The following KMT2A variants were observed in gnomAD, a reference collection of about 807,000 sequenced individuals.
KMT2A encodes histone-lysine N-methyltransferase 2A.
A neutral mutation model predicts 345.3 loss-of-function variants in KMT2A; 16 were observed. That is an observed-to-expected ratio of 0.05 (90% CI 0.03 to 0.07). The LOEUF (loss-of-function observed/expected upper bound fraction) is 0.07. KMT2A is among the 10% of genes least tolerant of loss of function. The pLI is 1.00. For missense variants in KMT2A, 3,272 were observed against 4,841.6 expected (o/e 0.68, Z 9.62); for synonymous variants, 1,599 against 1,778.6 (o/e 0.90, Z 2.54).
rs1279579879 is a variant in KMT2A at position 118,498,563 on chromosome 11, AAAGACTTTTT to A, written c.5961+36_5961+45del. On this transcript the variant is annotated intron_variant, in intron 22 of 35. Transcript: ENST00000534358. The surrounding 1 kb of genome is among the most constrained non-coding windows in gnomAD (Gnocchi z 4.4). The stretch of plus-strand genomic sequence containing the variant: ...CTTTAGTTGCTTTAAAAAAAAAAAA[AAAGACTTTTT>A]TAGAGCAGTTTTAGGTTCACAGCAA... 1.9e-6 allele frequency: 3 copies of A among 1,564,016 alleles called. No homozygotes were observed. The highest frequency in any genetic ancestry group is 1.7e-6 in the Non-Finnish European group (2 of 1,162,638).
intron 1 of KMT2A, among the ~76,000 whole-genome samples, chr11:118,462,625 C>A (rs573280197): frequency 2.6e-5 from 4 of 152,116 alleles, no homozygotes; most frequent in African/African-American, 9.7e-5. Flanking sequence ...GTGGTGCGAT[C>A]TCGGCTCACT....
At chr11:118,456,421 C>T (rs1949644394) in intron 1 of KMT2A, among the ~76,000 whole-genome samples, 1 of 151,984 alleles carries the variant, frequency 6.6e-6, no homozygotes, top group Admixed American at 6.6e-5. Context: ...TTACTGCAAC[C>T]TCCGCCTCCT....
In KMT2A at chr11:118,511,955, C is replaced by A. The variant is rs756582747; in HGVS notation, c.11076C>A (p.Ala3692=). The A allele has an allele frequency of 6.2e-7, 1 of 1,613,978 alleles. No homozygotes were observed. Among genetic ancestry groups the A allele is most frequent in the Admixed American group, 1.7e-5 (1 of 60,010 alleles). ...FQICAESIED[A]WKSLTDKVQE... is the part of the protein sequence containing the mutation. ...GTTTTCTTTATTTCCTTTCAGATGC[C>A]TGGAAGTCATTGACAGATAAAGTCC... Residue 3692 remains alanine (A), a synonymous_variant, in exon 31 of 36, where the codon GCC becomes GCA. Coordinates refer to ENST00000534358, the MANE Select transcript of KMT2A (RefSeq NM_001197104.2).
rs1555047399 is a variant in KMT2A, at chr11:118,504,773, A to G, written c.8881A>G (p.Lys2961Glu). Reference sequence around the variant, plus strand: ...AGCTGTTATCTCAGACTCAGGGGAGAAGAGAGTAACCATCACAGAAAAATC... The same window carrying G: ...AGCTGTTATCTCAGACTCAGGGGAGGAGAGAGTAACCATCACAGAAAAATC... ...RLAVISDSGE[K>E]RVTITEKSVA... Residue 2961 changes from lysine to glutamate, a missense_variant, in exon 27 of 36, where the codon AAG (lysine) becomes GAG (glutamate). Around this residue, in one of 27 missense-constraint regions of KMT2A, gnomAD observed 748 missense variants for 922.2 expected, o/e 0.81. Coordinates refer to ENST00000534358, the MANE Select transcript of KMT2A (RefSeq NM_001197104.2). The surrounding 1 kb of genome is among the most constrained non-coding windows in gnomAD (Gnocchi z 6.4). The G allele has an allele frequency of 1.9e-6, 3 of 1,614,054 alleles. No individual in the cohort carries two copies. In the South Asian group the frequency reaches 3.3e-5, roughly 18 times the overall value.
At chr11:118,486,099 G>A (rs1043412719) in intron 10 of KMT2A, among the ~76,000 whole-genome samples, 7 of 152,090 alleles carry the variant, frequency 4.6e-5, no homozygotes, top group African/African-American at 1.7e-4. Context: ...AAATAAAAGT[G>A]TAGGGCATAT....
intron 29 of KMT2A, among the ~76,000 whole-genome samples, chr11:118,509,725 G>C (rs1205485316): frequency 6.6e-6 from 1 of 152,078 alleles, no homozygotes; most frequent in Non-Finnish European, 1.5e-5. Flanking sequence ...CTACCACAGA[G>C]AGCATAACTT....
rs1055382817 is a variant in KMT2A, at chr11:118,507,177, A to G, written c.10755-352A>G. On this transcript the variant is annotated intron_variant, in intron 27 of 35. Coordinates refer to ENST00000534358, the MANE Select transcript of KMT2A (RefSeq NM_001197104.2). Reference sequence around the variant, plus strand: ...GCTGGGTGTGGTGTTGCACACCTGTAGCCCCAGCTATTCAGGAGGCTGAGG... The same window carrying G: ...GCTGGGTGTGGTGTTGCACACCTGTGGCCCCAGCTATTCAGGAGGCTGAGG... Among the ~76,000 whole-genome samples, 11 of 152,170 alleles carry G rather than the reference A, an allele frequency of 7.2e-5. 1 individual carries two copies. Among genetic ancestry groups the G allele is most frequent in the Non-Finnish European group, 1.6e-4 (11 of 68,020 alleles).
intron 1 of KMT2A, among the ~76,000 whole-genome samples, chr11:118,453,127 C>G (rs2134204843): frequency 6.6e-6 from 1 of 152,210 alleles, no homozygotes; most frequent in African/African-American, 2.4e-5. Context: ...AACGCTTGAC[C>G]CCACGTCCAC....
chr11:118,443,857 G>A (rs141368691), intron 1 of KMT2A, among the ~76,000 whole-genome samples: 16 of 152,278 alleles, frequency 1.1e-4, no homozygotes, highest in South Asian at 8.3e-4. Context: ...AGTTTCTTCC[G>A]TATATAGTGT....
At position 118,491,727 on chromosome 11, in the gene KMT2A, G is replaced by C; in HGVS notation, c.4820-17G>C. 6.3e-7 allele frequency: 1 copy of C among 1,575,898 alleles called. No individual in the cohort carries two copies. On this transcript the variant is annotated splice_polypyrimidine_tract_variant and intron_variant, in intron 14 of 35. Transcript: ENST00000534358. The surrounding 1 kb of genome is among the most constrained non-coding windows in gnomAD (Gnocchi z 4.2). ...TTCTTCAGAGGACCTCATCATGGTAGGTTTTTGTTTTCTTAGATGAGATGT... is the reference window on the plus strand; with the variant it reads ...TTCTTCAGAGGACCTCATCATGGTACGTTTTTGTTTTCTTAGATGAGATGT...
chr11:118,503,535 C>T lies in KMT2A; in HGVS notation c.7643C>T (p.Ala2548Val), dbSNP rs2134393342. The part of the protein sequence containing the change: ...SKNALKESSP[A>V]SPLQIESTSP... Reference sequence around the variant, plus strand: ...AATGCCCTGAAAGAAAGTAGTCCTGCTTCCCCTTTGCAAATAGAGTCAACA... The same window carrying T: ...AATGCCCTGAAAGAAAGTAGTCCTGTTTCCCCTTTGCAAATAGAGTCAACA... The change falls in exon 27 of 36, where the codon GCT (alanine) becomes GTT (valine). Residue 2548 changes from alanine (A) to valine (V), a missense_variant. Around this residue, in one of 27 missense-constraint regions of KMT2A, gnomAD observed 445 missense variants for 500.9 expected, o/e 0.89. Transcript: ENST00000534358. The surrounding 1 kb of genome is among the most constrained non-coding windows in gnomAD (Gnocchi z 5.3). 1 of 1,614,088 alleles carries T rather than the reference C, an allele frequency of 6.2e-7. No homozygotes were observed. The highest frequency in any genetic ancestry group is 1.3e-5 in the African/African-American group (1 of 75,024).
intron 31 of KMT2A, among the ~76,000 whole-genome samples, chr11:118,516,357 G>C (rs868963380): frequency 5.3e-5 from 8 of 152,140 alleles, no homozygotes; most frequent in Non-Finnish European, 1.5e-5. Flanking sequence ...GAAAGTCCTC[G>C]AGGCAAGCTA....
At position 118,503,958 on chromosome 11, in the gene KMT2A, G is replaced by C; in HGVS notation, c.8066G>C (p.Arg2689Thr). The C allele has an allele frequency of 1.9e-6, 3 of 1,614,158 alleles. No individual in the cohort carries two copies. The highest frequency in any genetic ancestry group is 2.5e-6 in the Non-Finnish European group (3 of 1,180,024). ...EDDLYYYNFT[R>T]TVISSGGEER... ...GACTTATACTATTACAACTTCACTA[G>C]AACAGTGATTTCTTCAGGTGGAGAG... Residue 2689 changes from arginine (R) to threonine (T), a missense_variant, in exon 27 of 36, where the codon AGA becomes ACA. By Grantham distance (71) the Arg-to-Thr change is moderately conservative (BLOSUM62 -1). Coordinates refer to ENST00000534358, the MANE Select transcript of KMT2A (RefSeq NM_001197104.2). This position sits in a 1 kb window ranked among gnomAD's most constrained non-coding sequence, Gnocchi z 5.3.
At position 118,441,395 on chromosome 11, in the gene KMT2A, A is replaced by G. The variant is rs78013188; in HGVS notation, c.432+4451A>G. Among the ~76,000 whole-genome samples the G allele has an allele frequency of 9.8e-3, 1,489 of 152,276 alleles. 23 individuals carry two copies. Among genetic ancestry groups the G allele is most frequent in the African/African-American group, 0.033 (1,377 of 41,544 alleles). On this transcript the variant is annotated intron_variant, in intron 1 of 35. Transcript: ENST00000534358. Reference sequence around the variant, plus strand: ...AAACATAAGGACTTTGGGGAAGTTGACCAGTTTCATTTATAAGAAAAATGA... The same window carrying G: ...AAACATAAGGACTTTGGGGAAGTTGGCCAGTTTCATTTATAAGAAAAATGA...
rs557958957 is a variant in KMT2A at position 118,523,934 on chromosome 11, A to G, written c.*1762A>G. On this transcript the variant is annotated 3_prime_UTR_variant, in exon 36 of 36. Coordinates refer to ENST00000534358, the MANE Select transcript of KMT2A (RefSeq NM_001197104.2). ...TGAAGCTCCTCAAAAGGCTACAGTAATATCTTGATACAACAGATTCTCTTC... is the reference window on the plus strand; with the variant it reads ...TGAAGCTCCTCAAAAGGCTACAGTAGTATCTTGATACAACAGATTCTCTTC... 3.0e-5 allele frequency: 6 copies of G among 202,384 alleles called. No individual in the cohort carries two copies. In the South Asian group the frequency reaches 1.1e-3, roughly 38 times the overall value. The allele number at this position is 202,384 out of a possible 1,614,324, so 12.5% of individuals were successfully genotyped here. A position where few individuals can be genotyped will look rare whatever the true frequency, so the allele number is the denominator to read the frequency against.
In KMT2A at chr11:118,441,971, G is replaced by A. The variant is rs2734668; in HGVS notation, c.432+5027G>A. Among the ~76,000 whole-genome samples, 6 of 152,214 alleles carry A rather than the reference G, an allele frequency of 3.9e-5. No homozygotes were observed. The East Asian group carries it at 1.2e-3, about 29-fold the overall frequency. On this transcript the variant is annotated intron_variant, in intron 1 of 35. Transcript: ENST00000534358. The stretch of plus-strand genomic sequence containing the variant: ...AATTGCCTCCCTTACCCTGTGGCTA[G>A]AGGGGGTGGCAACAGTGCTTTGCTT...
chr11:118,519,377 G>A, intron 31 of KMT2A: 3 of 444,546 alleles, frequency 6.7e-6, no homozygotes, highest in Non-Finnish European at 8.2e-6. Context: ...AAGCAAAATA[G>A]TCCATAGTTT....
chr11:118,436,787 C>T lies in KMT2A; in HGVS notation c.275C>T (p.Ser92Leu), dbSNP rs782112520. ...SAASSSSASS[S>L]SSSSSSASSG... ...GCCTCCTCGTCGTCCGCCTCGTCTT[C>T]GTCTTCGTCATCGTCCTCAGCCTCT... is the stretch of plus-strand genomic sequence containing the variant. The change falls in exon 1 of 36, where the codon TCG becomes TTG. Residue 92 changes from serine (S) to leucine (L), a missense_variant. This residue lies in a region of KMT2A where 412 missense variants were observed against 511.0 expected (regional missense o/e 0.81). Transcript: ENST00000534358. This position sits in a 1 kb window ranked among gnomAD's most constrained non-coding sequence, Gnocchi z 6.9. 1.9e-6 allele frequency: 3 copies of T among 1,606,156 alleles called. No individual in the cohort carries two copies. The highest frequency in any genetic ancestry group is 1.7e-5 in the Admixed American group (1 of 59,668).
At chr11:118,499,613 T>C (rs1950466834) in intron 23 of KMT2A, among the ~76,000 whole-genome samples, 193 bp downstream of exon 23, 2 of 146,902 alleles carry the variant, frequency 1.4e-5, no homozygotes, top group South Asian at 4.1e-4. Flanking sequence ...GGTGAAACCC[T>C]GTCTCTACTA....
Sources: gnomAD v4.1 joint callset for allele counts (sites outside exome capture counted in the v4.1 genomes callset) on GRCh38, gnomAD v4.1.1 for gene constraint, gnomAD v4.1.1 regional missense constraint, Gnocchi (gnomAD v3.1) non-coding constraint, MANE v1.5 for transcripts, NCBI Gene and HGNC (gene_info 2026-07-23, HGNC 2026-07-21) for gene names.